The following KANSL1 variants were observed in gnomAD, a reference collection of about 807,000 sequenced individuals.
The protein encoded by KANSL1 is KAT8 regulatory NSL complex subunit 1.
A neutral mutation model predicts 103.6 loss-of-function variants in KANSL1; 22 were observed. The observed-to-expected ratio is 0.21, with a 90% CI of 0.15 to 0.30. KANSL1 has a LOEUF of 0.30. Among genes scored for constraint, KANSL1 ranks in the 10% least tolerant of loss-of-function variants. The pLI, the probability that KANSL1 is intolerant of heterozygous loss-of-function variation, is 1.00. For synonymous variants in KANSL1, 600 were observed against 527.6 expected (o/e 1.14, Z -1.88); for missense variants, 1,337 against 1,399.8 (o/e 0.96, Z 0.72).
intron 6 of KANSL1, among the ~76,000 whole-genome samples, chr17:46,055,110 A>G (rs2077871584): frequency 6.6e-6 from 1 of 151,610 alleles, no homozygotes. Flanking sequence ...CAGCTTCCCA[A>G]AGTGCTGGGA....
intron 2 of KANSL1, among the ~76,000 whole-genome samples, chr17:46,105,865 T>TCACACA (rs373943708): frequency 0.038 from 5,086 of 134,582 alleles, 283 homozygotes; most frequent in African/African-American, 0.13. Context: ...AGCAAGACCT[T>TCACACA]CACACACACA....
At chr17:46,118,966 G>A (rs1342673561) in intron 2 of KANSL1, among the ~76,000 whole-genome samples, 1 of 152,194 alleles carries the variant, frequency 6.6e-6, no homozygotes, top group Non-Finnish European at 1.5e-5. Context: ...AATAACAGGG[G>A]TAAACAAAAA....
intron 2 of KANSL1, among the ~76,000 whole-genome samples, chr17:46,125,310 T>C (rs1336609771): frequency 6.6e-6 from 1 of 152,240 alleles, no homozygotes; most frequent in Non-Finnish European, 1.5e-5. Context: ...CTATTTATTA[T>C]GACATAAGCC....
upstream of KANSL1, chr17:46,225,359 C>T (rs2048654873): frequency 6.5e-6 from 1 of 153,552 alleles, no homozygotes; most frequent in African/African-American, 2.4e-5. Flanking sequence ...TTCAACCAAG[C>T]CTAGAAGTGG....
chr17:46,112,476 G>A (rs2042859330), intron 2 of KANSL1, among the ~76,000 whole-genome samples: 1 of 151,158 alleles, frequency 6.6e-6, no homozygotes, highest in Admixed American at 6.6e-5. Context: ...CCTGAGGTCA[G>A]GAATTCGAGA....
In KANSL1 at chr17:46,105,406, C is replaced by A. The variant is rs142685845; in HGVS notation, c.1290-10705G>T. ...CTGAGGCGGGCAGATGACTTGAGGT[C>A]AGGAGTTCAAGACCAGCCTGACCAA... is the stretch of plus-strand genomic sequence containing the variant. On this transcript the variant is annotated intron_variant, in intron 2 of 14. Coordinates refer to ENST00000432791, the MANE Select transcript of KANSL1 (RefSeq NM_015443.4). Among the ~76,000 whole-genome samples, 1,092 of 152,238 alleles carry A rather than the reference C, an allele frequency of 7.2e-3. 6 individuals carry two copies. Among genetic ancestry groups the A allele is most frequent in the South Asian group, 0.012 (59 of 4,830 alleles).
At chr17:46,167,190 G>A (rs2046048401) in intron 2 of KANSL1, among the ~76,000 whole-genome samples, 1 of 149,006 alleles carries the variant, frequency 6.7e-6, no homozygotes, top group African/African-American at 2.5e-5. Flanking sequence ...CTATATAGAA[G>A]TTTATAAGCA....
chr17:46,179,825 T>A (rs935402862), intron 1 of KANSL1, among the ~76,000 whole-genome samples: 1 of 152,152 alleles, frequency 6.6e-6, no homozygotes, highest in African/African-American at 2.4e-5. Flanking sequence ...TCCCAGGACT[T>A]TGGGAGGCTG....
intron 1 of KANSL1, among the ~76,000 whole-genome samples, chr17:46,200,875 A>G (rs980246702): frequency 1.3e-5 from 2 of 152,052 alleles, no homozygotes; most frequent in African/African-American, 4.8e-5. Context: ...GTTTCCTCCA[A>G]TGAAGCAGCA....
intron 3 of KANSL1, among the ~76,000 whole-genome samples, chr17:46,085,583 G>A (rs574497565): frequency 3.3e-5 from 5 of 152,188 alleles, no homozygotes; most frequent in Middle Eastern, 6.8e-3. Context: ...TCCCCCTCCC[G>A]GGCTCAAGTG....
At chr17:46,048,152 C>T (rs1476010938) in intron 7 of KANSL1, among the ~76,000 whole-genome samples, 18 of 152,060 alleles carry the variant, frequency 1.2e-4, no homozygotes, top group Non-Finnish European at 1.5e-5. Context: ...AGATGATGAA[C>T]CCGCCACGGC....
At chr17:46,107,832 A>ATCTG (rs1022692007) in intron 2 of KANSL1, among the ~76,000 whole-genome samples, 9 of 152,150 alleles carry the variant, frequency 5.9e-5, no homozygotes, top group African/African-American at 1.7e-4. Context: ...AACTAGATGG[A>ATCTG]TCTGTTCAGG....
Position 46,171,889 on chromosome 17 carries a change from A to G in KANSL1, c.255T>C (p.Ser85=). The G allele has an allele frequency of 4.3e-6, 7 of 1,614,282 alleles. No homozygotes were observed. The highest frequency in any genetic ancestry group is 5.9e-6 in the Non-Finnish European group (7 of 1,180,046). ...LQPLVASYLC[S]DVTSVPSKES... is the part of the protein sequence containing the mutation. ...CCTTTGAGGGAACAGATGTTACATC[A>G]GAGCAGAGATAAGATGCCACCAGTG... Residue 85 remains serine (S), a synonymous_variant, in exon 2 of 15, where the codon TCT becomes TCC. Transcript: ENST00000432791.
intron 1 of KANSL1, among the ~76,000 whole-genome samples, chr17:46,176,039 C>T (rs2046503801): frequency 6.6e-6 from 1 of 152,200 alleles, no homozygotes; most frequent in Non-Finnish European, 1.5e-5. Flanking sequence ...CAATCTCCTC[C>T]CCTTTTGAAT....
At chr17:46,199,258 A>G (rs2047715843) in intron 1 of KANSL1, among the ~76,000 whole-genome samples, 1 of 152,348 alleles carries the variant, frequency 6.6e-6, no homozygotes, top group South Asian at 2.1e-4. Flanking sequence ...TCCCACTTCT[A>G]ATTCACCAGT....
chr17:46,161,971 T>G (rs566908037), intron 2 of KANSL1, among the ~76,000 whole-genome samples: 2 of 152,254 alleles, frequency 1.3e-5, no homozygotes, highest in African/African-American at 4.8e-5. Context: ...AGCAATTTTG[T>G]CTACCATGGT....
Position 46,053,005 on chromosome 17 carries a change from A to G in KANSL1, c.1849-2301T>C, listed in dbSNP as rs1162352179. ...AAAAAAAAAAAAAAAAAAAAAAAAA[A>G]GGCTGCGCATGGTGGCTCACGCCTG... On this transcript the variant is annotated intron_variant, in intron 6 of 14. Transcript: ENST00000432791. Among the ~76,000 whole-genome samples the G allele has an allele frequency of 5.0e-5, 6 of 120,042 alleles. 1 individual carries two copies. The highest frequency in any genetic ancestry group is 1.0e-4 in the Non-Finnish European group (6 of 59,558). The allele number at this position is 120,042 out of a possible 152,430, so 78.8% of individuals were successfully genotyped here.
chr17:46,208,769 G>A (rs989452404), intron 1 of KANSL1, among the ~76,000 whole-genome samples: 23 of 151,536 alleles, frequency 1.5e-4, no homozygotes, highest in African/African-American at 4.1e-4. Flanking sequence ...GACAGAGGGT[G>A]CAGGAACCTG....
chr17:46,177,077 T>C (rs2046556062), intron 1 of KANSL1, among the ~76,000 whole-genome samples: 2 of 152,244 alleles, frequency 1.3e-5, no homozygotes, highest in African/African-American at 4.8e-5. Context: ...GAGCACTGAC[T>C]CAAGTGAGCA....
Sources: allele counts gnomAD v4.1 joint callset (sites outside exome capture counted in the v4.1 genomes callset), GRCh38; gene constraint gnomAD v4.1.1; transcripts MANE v1.5; gene names NCBI Gene and HGNC (gene_info 2026-07-23, HGNC 2026-07-21).